Variants in ZFAT observed in about 807,000 individuals in gnomAD.
ZFAT encodes zinc finger protein ZFAT.
Under a neutral mutation model 117.7 loss-of-function variants are expected in ZFAT, and 64 were observed. The ratio of observed to expected loss-of-function variants is 0.54; its 90% CI spans 0.44 to 0.67. The LOEUF (loss-of-function observed/expected upper bound fraction) is 0.67, where lower values mean the gene tolerates loss of function less well. Among genes scored for constraint, ZFAT ranks in the 30% least tolerant of loss-of-function variants. ZFAT has a pLI of 0.00. For synonymous variants in ZFAT, 679 were observed against 615.0 expected (o/e 1.10, Z -1.54); for missense variants, 1,433 against 1,584.5 (o/e 0.90, Z 1.62).
the ZFAT span, among the ~76,000 whole-genome samples, chr8:134,812,756 G>A: frequency 4.5e-4 from 68 of 152,150 alleles, no homozygotes; most frequent in African/African-American, 1.5e-3. Context: ...TCAATCAATC[G>A]TATTATAGAT....
chr8:134,697,146 G>A (rs973502549), intron 1 of ZFAT, among the ~76,000 whole-genome samples: 5 of 151,896 alleles, frequency 3.3e-5, no homozygotes, highest in African/African-American at 7.2e-5. Flanking sequence ...CGTTGGTCTC[G>A]CTCTGTCACC....
chr8:134,540,858 A>G (rs774094952), intron 11 of ZFAT, among the ~76,000 whole-genome samples: 1 of 152,248 alleles, frequency 6.6e-6, no homozygotes, highest in Non-Finnish European at 1.5e-5. Flanking sequence ...CCATCAATTT[A>G]GTTAAACTTT....
rs77019636 is a variant in ZFAT, at chr8:134,659,764, A to C, written c.20-2027T>G. On this transcript the variant is annotated intron_variant, in intron 1 of 15. Coordinates refer to ENST00000377838, the MANE Select transcript of ZFAT (RefSeq NM_020863.4). ...ACAGTAAAACTCTCCTACCAGAAAG[A>C]GGAAATGAGGAAAGGCAATAGGCCA... Among the ~76,000 whole-genome samples the C allele has an allele frequency of 2.8e-4, 42 of 152,340 alleles. No homozygotes were observed. The East Asian group carries it at 6.4e-3, about 23-fold the overall frequency.
the ZFAT span, among the ~76,000 whole-genome samples, chr8:134,745,779 C>G: frequency 1.3e-5 from 2 of 152,290 alleles, no homozygotes; most frequent in East Asian, 3.9e-4. Flanking sequence ...ATTTACTCAT[C>G]CAAAACATCC....
chr8:134,672,487 C>T (rs2131268539), intron 1 of ZFAT, among the ~76,000 whole-genome samples: 1 of 152,238 alleles, frequency 6.6e-6, no homozygotes, highest in Middle Eastern at 3.4e-3. Context: ...AGCATACCAA[C>T]ATGGCACATG....
At chr8:134,794,921 G>A in the ZFAT span, 5 of 152,190 alleles carry the variant, frequency 3.3e-5, no homozygotes, top group African/African-American at 1.2e-4. Flanking sequence ...GCACTGTGCA[G>A]GGTCCTTCAC....
intron 1 of ZFAT, among the ~76,000 whole-genome samples, chr8:134,660,461 G>A (rs1458423920): frequency 1.3e-5 from 2 of 152,190 alleles, no homozygotes; most frequent in African/African-American, 4.8e-5. Flanking sequence ...ACCACAGGTG[G>A]GCCCCACCCC....
intron 15 of ZFAT, among the ~76,000 whole-genome samples, chr8:134,489,216 C>T (rs1032568226): frequency 3.9e-5 from 6 of 152,052 alleles, no homozygotes; most frequent in Admixed American, 3.9e-4. Context: ...CAGAAAGCCT[C>T]CAGGTAGGGA....
the ZFAT span, among the ~76,000 whole-genome samples, chr8:134,824,661 C>T: frequency 6.6e-6 from 1 of 152,114 alleles, no homozygotes; most frequent in South Asian, 2.1e-4. Context: ...TGCTCAAGTA[C>T]AATAATTCAT....
At chr8:134,532,583 T>C (rs1289966266) in intron 12 of ZFAT, among the ~76,000 whole-genome samples, 2 of 152,238 alleles carry the variant, frequency 1.3e-5, no homozygotes, top group Admixed American at 1.3e-4. Context: ...GGTAGTAGAA[T>C]TTGTGTGTGA....
chr8:134,485,294 C>T (rs539973503), intron 15 of ZFAT, among the ~76,000 whole-genome samples: 2 of 152,284 alleles, frequency 1.3e-5, no homozygotes, highest in East Asian at 3.9e-4. Flanking sequence ...CAGCTGTGGG[C>T]TTGGCCAAGC....
the ZFAT span, among the ~76,000 whole-genome samples, chr8:134,729,474 G>A: frequency 6.6e-6 from 1 of 152,210 alleles, no homozygotes; most frequent in Non-Finnish European, 1.5e-5. Flanking sequence ...TGGGACTACA[G>A]GCGCCTGCCA....
chr8:134,724,452 G>C, the ZFAT span, among the ~76,000 whole-genome samples: 1 of 152,176 alleles, frequency 6.6e-6, no homozygotes, highest in Non-Finnish European at 1.5e-5. Context: ...CTAGGAGTTT[G>C]GGGCCAGTGG....
At chr8:134,737,306 ATAAAAAAAT>A in the ZFAT span, among the ~76,000 whole-genome samples, 34 of 122,736 alleles carry the variant, frequency 2.8e-4, no homozygotes, top group African/African-American at 1.1e-3. Flanking sequence ...AAAAATAAAA[ATAAAAAAAT>A]AAAAATGTAG....
chr8:134,709,414 G>A, intron 1 of ZFAT, among the ~76,000 whole-genome samples: 1 of 152,208 alleles, frequency 6.6e-6, no homozygotes, highest in South Asian at 2.1e-4. Context: ...CTTCCCTTAG[G>A]TCAGGAATCT....
At chr8:134,621,848 G>GA (rs2131023974) in intron 3 of ZFAT, among the ~76,000 whole-genome samples, 2 of 152,310 alleles carry the variant, frequency 1.3e-5, no homozygotes, top group South Asian at 4.1e-4. Context: ...TGTACTACGT[G>GA]AAATACGGCT....
At chr8:134,482,890 G>T (rs1285444035) in intron 15 of ZFAT, among the ~76,000 whole-genome samples, 1 of 152,146 alleles carries the variant, frequency 6.6e-6, no homozygotes, top group Admixed American at 6.5e-5. Flanking sequence ...GTTCCTGAAG[G>T]TCCCCTGCAG....
intron 1 of ZFAT, among the ~76,000 whole-genome samples, chr8:134,678,569 A>C (rs1212400129): frequency 1.3e-5 from 2 of 152,230 alleles, no homozygotes. Context: ...TCTTCACAGA[A>C]TTGTAAAAAA....
the ZFAT span, among the ~76,000 whole-genome samples, chr8:134,810,681 A>G: frequency 6.6e-6 from 1 of 152,220 alleles, no homozygotes; most frequent in Non-Finnish European, 1.5e-5. Context: ...GTAAAATAAG[A>G]AAACCCTACA....
Sources: allele counts gnomAD v4.1 joint callset (sites outside exome capture counted in the v4.1 genomes callset), GRCh38; gene constraint gnomAD v4.1.1; transcripts MANE v1.5; gene names NCBI Gene and HGNC (gene_info 2026-07-23, HGNC 2026-07-21).